Variants in TMEM178B observed in about 807,000 individuals in gnomAD.
TMEM178B encodes the protein transmembrane protein 178B.
In TMEM178B, 5 loss-of-function variants were observed where a neutral mutation model predicts 31.0. The observed-to-expected ratio is 0.16, with a 90% CI of 0.08 to 0.34. The LOEUF is 0.34. TMEM178B is among the 10% of genes least tolerant of loss of function. TMEM178B has a pLI of 1.00. For synonymous variants in TMEM178B, 164 were observed against 164.0 expected (o/e 1.00, Z 0.00); for missense variants, 275 against 400.3 (o/e 0.69, Z 2.67).
At chr7:141,409,640 CTG>C (rs903435780) in intron 2 of TMEM178B, among the ~76,000 whole-genome samples, 2 of 151,828 alleles carry the variant, frequency 1.3e-5, no homozygotes, top group Admixed American at 1.3e-4. Flanking sequence ...TCTCTGGTCT[CTG>C]TAATTAGCCT....
rs922001389 is a variant in TMEM178B at position 141,289,092 on chromosome 7, A to G, written c.496+76388A>G. ...TGCTTGCATGTATCATTCCCTGCTTAAAAATCTTCAACTACTTTTATGATA... is the reference window on the plus strand; with the variant it reads ...TGCTTGCATGTATCATTCCCTGCTTGAAAATCTTCAACTACTTTTATGATA... On this transcript the variant is annotated intron_variant, in intron 2 of 3. Coordinates refer to ENST00000565468, the MANE Select transcript of TMEM178B (RefSeq NM_001195278.2). 3.9e-5 allele frequency among the ~76,000 whole-genome samples: 6 copies of G among 152,214 alleles called. 1 individual carries two copies. The highest frequency in any genetic ancestry group is 1.4e-4 in the African/African-American group (6 of 41,452).
chr7:141,361,440 T>C (rs138558964), intron 2 of TMEM178B, among the ~76,000 whole-genome samples: 25 of 152,136 alleles, frequency 1.6e-4, no homozygotes, highest in Non-Finnish European at 3.1e-4. Context: ...GAATGAGAGG[T>C]CCTGGTTTGG....
the TMEM178B span, among the ~76,000 whole-genome samples, chr7:141,507,186 G>A: frequency 6.6e-6 from 1 of 152,192 alleles, no homozygotes; most frequent in African/African-American, 2.4e-5. Context: ...CTGGAGAACA[G>A]TGGCCCTCTT....
At chr7:141,452,773 T>A (rs1801890797) in intron 3 of TMEM178B, among the ~76,000 whole-genome samples, 1 of 152,252 alleles carries the variant, frequency 6.6e-6, no homozygotes, top group Non-Finnish European at 1.5e-5. Flanking sequence ...ACTCTATAAA[T>A]GTTCATTTCC....
the TMEM178B span, among the ~76,000 whole-genome samples, chr7:141,510,119 A>C: frequency 1.6e-3 from 250 of 152,334 alleles, 1 homozygote; most frequent in Non-Finnish European, 3.0e-3. Flanking sequence ...ACTTGGCAAC[A>C]GAGGATGCTA....
intron 2 of TMEM178B, among the ~76,000 whole-genome samples, chr7:141,287,511 A>T (rs1449480487): frequency 6.6e-6 from 1 of 152,210 alleles, no homozygotes; most frequent in African/African-American, 2.4e-5. Context: ...GTTATGTAGC[A>T]CAATTTATGA....
intron 2 of TMEM178B, among the ~76,000 whole-genome samples, chr7:141,429,174 C>A (rs1010834729): frequency 3.9e-5 from 6 of 151,994 alleles, no homozygotes; most frequent in Non-Finnish European, 7.4e-5. Context: ...GACTATATAC[C>A]CAAAGAAATT....
intron 2 of TMEM178B, among the ~76,000 whole-genome samples, chr7:141,351,638 G>A (rs1005846997): frequency 6.6e-6 from 1 of 152,176 alleles, no homozygotes; most frequent in Non-Finnish European, 1.5e-5. Flanking sequence ...TAGAATGGTT[G>A]TGGCCATTTT....
chr7:141,437,572 T>C, intron 2 of TMEM178B, 36 bp from the exon 3 acceptor site: 2 of 1,534,630 alleles, frequency 1.3e-6, no homozygotes, highest in Non-Finnish European at 1.7e-6. Flanking sequence ...AGTCCCAGGC[T>C]CTGCTGCTGA....
chr7:141,216,075 C>G (rs1406668427), intron 2 of TMEM178B, among the ~76,000 whole-genome samples: 1 of 151,944 alleles, frequency 6.6e-6, no homozygotes, highest in Non-Finnish European at 1.5e-5. Flanking sequence ...AAGAGATCCA[C>G]CTGCCTCAGC....
chr7:141,419,881 A>G (rs1390558512), intron 2 of TMEM178B, among the ~76,000 whole-genome samples: 1 of 152,218 alleles, frequency 6.6e-6, no homozygotes, highest in Non-Finnish European at 1.5e-5. Flanking sequence ...TCAGCATGTT[A>G]TAATAATTAC....
chr7:141,343,704 C>A (rs946948111), intron 2 of TMEM178B, among the ~76,000 whole-genome samples: 1 of 152,034 alleles, frequency 6.6e-6, no homozygotes, highest in African/African-American at 2.4e-5. Flanking sequence ...CGCCCGCCAC[C>A]AAGCCTGGCT....
At chr7:141,364,685 A>AAC (rs1290799450) in intron 2 of TMEM178B, among the ~76,000 whole-genome samples, 2 of 147,136 alleles carry the variant, frequency 1.4e-5, no homozygotes, top group Non-Finnish European at 3.0e-5. Context: ...AAAAAAAAAA[A>AAC]GTTGGGCCAG....
At chr7:141,197,699 C>A (rs533022393) in intron 1 of TMEM178B, among the ~76,000 whole-genome samples, 10 of 152,098 alleles carry the variant, frequency 6.6e-5, no homozygotes, top group African/African-American at 2.2e-4. Context: ...GTGGTGCGAT[C>A]TTGGCTCACT....
intron 1 of TMEM178B, among the ~76,000 whole-genome samples, chr7:141,196,075 G>C (rs1796778344): frequency 6.6e-6 from 1 of 152,108 alleles, no homozygotes; most frequent in Non-Finnish European, 1.5e-5. Flanking sequence ...GTATGATACT[G>C]TACGTATCAA....
intron 1 of TMEM178B, among the ~76,000 whole-genome samples, chr7:141,124,259 C>T (rs10235386): frequency 1.3e-5 from 2 of 151,916 alleles, no homozygotes; most frequent in African/African-American, 2.4e-5. Context: ...CCCAGCTACT[C>T]GGGAGGCTGA....
intron 2 of TMEM178B, among the ~76,000 whole-genome samples, chr7:141,272,843 C>G (rs11981103): frequency 3.9e-5 from 6 of 151,960 alleles, no homozygotes. Context: ...ATAGACCTAC[C>G]GTTCTATCTA....
At chr7:141,438,739 GGTAGCGCGTGCCT>G (rs1428497163) in intron 3 of TMEM178B, among the ~76,000 whole-genome samples, 8 of 98,000 alleles carry the variant, frequency 8.2e-5, no homozygotes, top group Non-Finnish European at 1.8e-4. Flanking sequence ...AGCCAGGCAT[GGTAGCGCGTGCCT>G]GTAGTCCCAG....
At chr7:141,400,699 C>T (rs1041142213) in intron 2 of TMEM178B, among the ~76,000 whole-genome samples, 2 of 152,218 alleles carry the variant, frequency 1.3e-5, no homozygotes, top group African/African-American at 4.8e-5. Context: ...CTGCAGCCTG[C>T]TCTTCGTGGG....
Sources: allele counts gnomAD v4.1 joint callset (sites outside exome capture counted in the v4.1 genomes callset), GRCh38; gene constraint gnomAD v4.1.1; transcripts MANE v1.5; gene names NCBI Gene and HGNC (gene_info 2026-07-23, HGNC 2026-07-21).